Variants in UNC79 observed in about 807,000 individuals in gnomAD.
The protein encoded by UNC79 is protein unc-79 homolog.
In UNC79, 37 loss-of-function variants were observed where a neutral mutation model predicts 283.1. That is an observed-to-expected ratio of 0.13 (90% CI 0.10 to 0.17). UNC79 has a LOEUF of 0.17. Among genes scored for constraint, UNC79 ranks in the 10% least tolerant of loss-of-function variants. The pLI is 1.00. For synonymous variants in UNC79, 1,107 were observed against 1,200.2 expected (o/e 0.92, Z 1.61); for missense variants, 2,272 against 3,211.1 (o/e 0.71, Z 7.07).
chr14:93,425,983 C>G (rs2055717616), upstream of UNC79, among the ~76,000 whole-genome samples: 1 of 152,192 alleles, frequency 6.6e-6, no homozygotes, highest in African/African-American at 2.4e-5. Flanking sequence ...ACTTCCATTA[C>G]TATTTCCTAT....
chr14:93,421,594 C>T (rs2055600823), intron 1 of UNC79, among the ~76,000 whole-genome samples: 1 of 151,462 alleles, frequency 6.6e-6, no homozygotes, highest in Admixed American at 6.6e-5. Flanking sequence ...TTTCCAAATA[C>T]ATCCTATGAG....
At chr14:93,429,272 T>C (rs1408154757), upstream of UNC79, among the ~76,000 whole-genome samples, 1 of 152,252 alleles carries the variant, frequency 6.6e-6, no homozygotes, top group East Asian at 1.9e-4. Flanking sequence ...ATCATTTATC[T>C]TTTACTAATA....
intron 34 of UNC79, among the ~76,000 whole-genome samples, chr14:93,645,098 C>T (rs2069456048): frequency 6.6e-6 from 1 of 152,188 alleles, no homozygotes; most frequent in African/African-American, 2.4e-5. Context: ...TTTCTACTAT[C>T]AATACTTCTT....
At chr14:93,615,824 A>C (rs2139825515) in intron 27 of UNC79, among the ~76,000 whole-genome samples, 1 of 151,960 alleles carries the variant, frequency 6.6e-6, no homozygotes, top group African/African-American at 2.4e-5. Context: ...GGGTTTGTAT[A>C]ACTCCAGAAA....
Position 93,673,458 on chromosome 14 carries a change from A to G in UNC79, c.6741+3A>G. ...CAAACCTTCTTCTGCTTGTTCAGGT[A>G]AGCTCATGCTTGATTTGTAAAACTT... is the stretch of plus-strand genomic sequence containing the variant. On this transcript the variant is annotated splice_donor_region_variant and intron_variant, in intron 41 of 48. Transcript: ENST00000555664. 2.5e-6 allele frequency: 4 copies of G among 1,611,416 alleles called. No homozygotes were observed. Among genetic ancestry groups the G allele is most frequent in the Non-Finnish European group, 3.4e-6 (4 of 1,179,226 alleles).
At chr14:93,671,361 C>G (rs559054854) in intron 40 of UNC79, among the ~76,000 whole-genome samples, 4 of 152,076 alleles carry the variant, frequency 2.6e-5, no homozygotes, top group Non-Finnish European at 4.4e-5. Flanking sequence ...GAAAAGAGAG[C>G]ACTGTATAGG....
chr14:93,593,352 C>T (rs1268244797), intron 22 of UNC79, among the ~76,000 whole-genome samples: 13 of 152,208 alleles, frequency 8.5e-5, no homozygotes, highest in Admixed American at 5.9e-4. Flanking sequence ...TTAAAAATCA[C>T]GTATTACTCC....
intron 39 of UNC79, among the ~76,000 whole-genome samples, chr14:93,662,125 C>T (rs1365726608): frequency 1.3e-5 from 2 of 152,168 alleles, no homozygotes; most frequent in African/African-American, 4.8e-5. Context: ...TTAACATTGG[C>T]AGGAGGCTGG....
intron 1 of UNC79, among the ~76,000 whole-genome samples, chr14:93,354,157 G>C (rs779612108): frequency 2.6e-5 from 4 of 152,176 alleles, no homozygotes; most frequent in Non-Finnish European, 5.9e-5. Flanking sequence ...ACATTTTGTA[G>C]AATTGAAGAA....
chr14:93,600,362 AG>A (rs10713424), intron 24 of UNC79, among the ~76,000 whole-genome samples: 17,378 of 152,244 alleles, frequency 0.11, 1,329 homozygotes, highest in Admixed American at 0.19. Flanking sequence ...ATATTCTACA[AG>A]GAAGATAAAT....
At chr14:93,439,939 T>C (rs1053700022) in intron 1 of UNC79, among the ~76,000 whole-genome samples, 11 of 152,174 alleles carry the variant, frequency 7.2e-5, no homozygotes, top group African/African-American at 2.4e-4. Flanking sequence ...TTTTGATGTT[T>C]ATTTTCTGCT....
chr14:93,614,386 G>A lies in UNC79; in HGVS notation c.4041+1303G>A, dbSNP rs192495097. On this transcript the variant is annotated intron_variant, in intron 27 of 48. Coordinates refer to ENST00000555664, the Ensembl canonical transcript of UNC79. ...GGCTGGAGTGCAGTGGCGCAGTCTCGGCTCACTGCAAGCTCCGCCTCCTGG... is the reference window on the plus strand; with the variant it reads ...GGCTGGAGTGCAGTGGCGCAGTCTCAGCTCACTGCAAGCTCCGCCTCCTGG... Among the ~76,000 whole-genome samples the A allele has an allele frequency of 1.3e-4, 19 of 151,756 alleles. No individual in the cohort carries two copies. In the East Asian group the frequency reaches 3.3e-3, roughly 26 times the overall value.
intron 7 of UNC79, among the ~76,000 whole-genome samples, chr14:93,506,152 T>C (rs912938115): frequency 6.6e-6 from 1 of 152,104 alleles, no homozygotes; most frequent in Non-Finnish European, 1.5e-5. Flanking sequence ...AAGATACGTT[T>C]TCTCAGTTAG....
At chr14:93,575,267 G>T (rs151277561) in intron 17 of UNC79, 69 bp downstream of exon 17, 3 of 1,597,902 alleles carry the variant, frequency 1.9e-6, no homozygotes, top group Non-Finnish European at 2.6e-6. Flanking sequence ...GTTATCCTAC[G>T]CCTGAAAGTA....
At chr14:93,606,038 G>A (rs1373033599) in intron 26 of UNC79, among the ~76,000 whole-genome samples, 1 of 152,126 alleles carries the variant, frequency 6.6e-6, no homozygotes, top group Non-Finnish European at 1.5e-5. Context: ...AATCCATGCA[G>A]TTCCCCTTCA....
At chr14:93,568,699 A>G (rs1224062897) in intron 14 of UNC79, among the ~76,000 whole-genome samples, 1 of 138,504 alleles carries the variant, frequency 7.2e-6, no homozygotes, top group African/African-American at 2.6e-5. Context: ...AAAAAACAAA[A>G]AACAAAAACA....
intron 19 of UNC79, 56 bp downstream of exon 19, chr14:93,580,432 A>C: frequency 6.6e-7 from 1 of 1,511,032 alleles, no homozygotes; most frequent in Non-Finnish European, 9.0e-7. Flanking sequence ...AGACTGCAGT[A>C]GCTGATGTAA....
intron 1 of UNC79, among the ~76,000 whole-genome samples, chr14:93,366,571 C>CTTTTTTTTTTT (rs370391512): frequency 7.2e-6 from 1 of 139,662 alleles, no homozygotes. Flanking sequence ...TTTTTTTATT[C>CTTTTTTTTTTT]TTTTTTTTTT....
chr14:93,358,376 A>G (rs2054154674), intron 1 of UNC79, among the ~76,000 whole-genome samples: 1 of 152,184 alleles, frequency 6.6e-6, no homozygotes, highest in Non-Finnish European at 1.5e-5. Context: ...CAGGGATTCT[A>G]ACTGCCAGCT....
Sources: allele counts gnomAD v4.1 joint callset (sites outside exome capture counted in the v4.1 genomes callset), GRCh38; gene constraint gnomAD v4.1.1; transcripts MANE v1.5; gene names NCBI Gene and HGNC (gene_info 2026-07-23, HGNC 2026-07-21).